The following NTRK3 variants were observed in gnomAD, a reference collection of about 807,000 sequenced individuals.
NTRK3 encodes the protein NT-3 growth factor receptor.
Under a neutral mutation model 91.7 loss-of-function variants are expected in NTRK3, and 24 were observed. The ratio of observed to expected loss-of-function variants is 0.26; its 90% CI spans 0.19 to 0.37. The LOEUF is 0.37. NTRK3 is among the 10% of genes least tolerant of loss of function. The probability of loss-of-function intolerance (pLI) is 1.00; values close to 1 mark genes in which losing one functional copy is unlikely to be tolerated. For synonymous variants in NTRK3, 483 were observed against 404.0 expected, an observed-to-expected ratio of 1.20 and a Z score of -2.34; for missense variants, 880 against 1,068.9, an observed-to-expected ratio of 0.82 and a Z score of 2.46.
intron 5 of NTRK3, among the ~76,000 whole-genome samples, chr15:88,181,499 A>C (rs559376569): frequency 2.0e-5 from 3 of 152,210 alleles, no homozygotes; most frequent in South Asian, 4.2e-4. Flanking sequence ...CATCTCCCTA[A>C]GAGCTGCAGG....
At chr15:88,020,671 T>C (rs1249369849) in intron 14 of NTRK3, among the ~76,000 whole-genome samples, 2 of 152,164 alleles carry the variant, frequency 1.3e-5, no homozygotes, top group Non-Finnish European at 2.9e-5. Flanking sequence ...GCCAAGGTGG[T>C]CACCTTTTCT....
intron 17 of NTRK3, among the ~76,000 whole-genome samples, chr15:87,884,591 T>G (rs192189591): frequency 1.2e-4 from 18 of 151,864 alleles, no homozygotes; most frequent in African/African-American, 4.1e-4. Flanking sequence ...GAATATACTC[T>G]CCAAATACAA....
intron 14 of NTRK3, among the ~76,000 whole-genome samples, chr15:87,944,601 T>C (rs887235315): frequency 1.3e-5 from 2 of 152,194 alleles, no homozygotes; most frequent in South Asian, 4.1e-4. Context: ...TTAGGCTGCC[T>C]TCGCTCTGTC....
chr15:87,908,265 C>A (rs960889316), intron 17 of NTRK3, among the ~76,000 whole-genome samples: 22 of 152,168 alleles, frequency 1.4e-4, no homozygotes, highest in Admixed American at 1.1e-3. Flanking sequence ...GGCCCGCCAC[C>A]CCCCACCATG....
intron 13 of NTRK3, among the ~76,000 whole-genome samples, chr15:88,065,629 C>T (rs1597097362): frequency 6.6e-6 from 1 of 152,302 alleles, no homozygotes; most frequent in Non-Finnish European, 1.5e-5. Context: ...TCTCATAAAT[C>T]CTCTGGGTAC....
intron 17 of NTRK3, among the ~76,000 whole-genome samples, chr15:87,902,200 G>T (rs1187841001): frequency 1.3e-5 from 2 of 152,198 alleles, no homozygotes; most frequent in Non-Finnish European, 2.9e-5. Context: ...TTGGAAAAAA[G>T]AAGCCAGTCA....
intron 17 of NTRK3, among the ~76,000 whole-genome samples, chr15:87,910,929 C>A (rs1053101740): frequency 4.0e-4 from 61 of 152,080 alleles, no homozygotes; most frequent in African/African-American, 1.4e-3. Flanking sequence ...CCCAAAACTG[C>A]AGATTCAATT....
At chr15:88,033,083 C>T (rs1567261369) in intron 13 of NTRK3, 38 bp from the exon 14 acceptor site, 22 of 1,543,082 alleles carry the variant, frequency 1.4e-5, no homozygotes, top group Non-Finnish European at 1.9e-5. Flanking sequence ...CTGGTGACGT[C>T]ACATCCGGCC....
At chr15:87,891,269 A>T (rs2065847512) in intron 17 of NTRK3, among the ~76,000 whole-genome samples, 1 of 152,226 alleles carries the variant, frequency 6.6e-6, no homozygotes, top group Admixed American at 6.5e-5. Flanking sequence ...TTTTAAAGTC[A>T]TTTGTAGTAG....
intron 6 of NTRK3, among the ~76,000 whole-genome samples, chr15:88,140,986 C>T (rs958473808): frequency 1.3e-5 from 2 of 152,132 alleles, no homozygotes; most frequent in Non-Finnish European, 2.9e-5. Context: ...AGATTTTAAG[C>T]TCCAAGAGAC....
intron 13 of NTRK3, among the ~76,000 whole-genome samples, chr15:88,097,049 A>G (rs1385472799): frequency 6.6e-6 from 1 of 152,246 alleles, no homozygotes; most frequent in Non-Finnish European, 1.5e-5. Context: ...GCTATCCACA[A>G]CAGTGGTCAC....
At chr15:87,916,405 A>G in intron 17 of NTRK3, 1 of 649,646 alleles carries the variant, frequency 1.5e-6, no homozygotes, top group Non-Finnish European at 2.8e-6. Flanking sequence ...AGAGACGTGA[A>G]TGACTCAACA....
chr15:88,165,766 G>A (rs968916569), intron 5 of NTRK3, among the ~76,000 whole-genome samples: 5 of 152,176 alleles, frequency 3.3e-5, no homozygotes, highest in East Asian at 1.9e-4. Context: ...TCAAGGTCAC[G>A]AAGCTGGTAG....
chr15:87,958,947 G>A (rs1360339955), intron 14 of NTRK3, among the ~76,000 whole-genome samples: 1 of 152,094 alleles, frequency 6.6e-6, no homozygotes, highest in African/African-American at 2.4e-5. Context: ...TACGGAAATT[G>A]ATTCTGCCTA....
At chr15:87,927,246 A>G (rs1053868477) in intron 17 of NTRK3, 1 of 152,236 alleles carries the variant, frequency 6.6e-6, no homozygotes, top group Non-Finnish European at 1.5e-5. Flanking sequence ...ATCATCTGCC[A>G]TTCTTTGGTT....
intron 5 of NTRK3, among the ~76,000 whole-genome samples, chr15:88,182,028 C>T (rs778067977): frequency 1.3e-5 from 2 of 152,150 alleles, no homozygotes; most frequent in Non-Finnish European, 2.9e-5. Context: ...AGCTATGCCT[C>T]CAGCTGCAAA....
chr15:87,962,577 C>T (rs187969603), intron 14 of NTRK3, among the ~76,000 whole-genome samples: 4 of 152,288 alleles, frequency 2.6e-5, no homozygotes, highest in Admixed American at 2.6e-4. Flanking sequence ...TTGCTATTTC[C>T]TTGAATTCCT....
At chr15:88,113,796 C>T (rs1168417978) in intron 13 of NTRK3, among the ~76,000 whole-genome samples, 1 of 152,176 alleles carries the variant, frequency 6.6e-6, no homozygotes, top group African/African-American at 2.4e-5. Flanking sequence ...GTGATTGCAA[C>T]AGAAACCATA....
At chr15:87,906,368 A>C (rs192028120) in intron 17 of NTRK3, among the ~76,000 whole-genome samples, 22 of 152,316 alleles carry the variant, frequency 1.4e-4, no homozygotes, top group Non-Finnish European at 4.4e-5. Context: ...GGGCCTTAAG[A>C]TGCTCTGAAT....
Sources: gnomAD v4.1 joint callset for allele counts (sites outside exome capture counted in the v4.1 genomes callset) on GRCh38, gnomAD v4.1.1 for gene constraint, MANE v1.5 for transcripts, NCBI Gene and HGNC (gene_info 2026-07-23, HGNC 2026-07-21) for gene names.